Variants in PCED1B observed in about 807,000 individuals in gnomAD.
PCED1B encodes the protein PC-esterase domain-containing protein 1B.
For synonymous variants in PCED1B, 251 were observed against 246.1 expected (o/e 1.02, Z -0.19); for missense variants, 573 against 573.9 (o/e 1.00, Z 0.02).
intron 2 of PCED1B, among the ~76,000 whole-genome samples, chr12:47,205,300 G>A (rs1286018062): frequency 6.6e-6 from 1 of 152,140 alleles, no homozygotes; most frequent in Non-Finnish European, 1.5e-5. Flanking sequence ...GGAGTACAGG[G>A]TCTACAAAAT....
At chr12:47,143,666 T>A (rs1012957440) in intron 2 of PCED1B, among the ~76,000 whole-genome samples, 9 of 152,182 alleles carry the variant, frequency 5.9e-5, no homozygotes, top group African/African-American at 2.2e-4. Context: ...TGAAGCAAGC[T>A]ACAAGCTCAG....
chr12:47,199,797 G>A (rs78575868), intron 2 of PCED1B, among the ~76,000 whole-genome samples: 4,199 of 152,218 alleles, frequency 0.028, 87 homozygotes, highest in Non-Finnish European at 0.04. Flanking sequence ...GAAACTCTAG[G>A]TGACCTTGTG....
intron 1 of PCED1B, among the ~76,000 whole-genome samples, chr12:47,081,167 T>G (rs934019146): frequency 6.6e-5 from 10 of 152,262 alleles, no homozygotes; most frequent in Non-Finnish European, 1.3e-4. Context: ...TTAAAAGAAA[T>G]AAATTACTGC....
At chr12:47,080,295 C>T (rs1941966370) in intron 1 of PCED1B, among the ~76,000 whole-genome samples, 1 of 152,184 alleles carries the variant, frequency 6.6e-6, no homozygotes, top group Non-Finnish European at 1.5e-5. Flanking sequence ...AGGGAGGGGT[C>T]TCACCCTTGG....
At position 47,157,432 on chromosome 12, in the gene PCED1B, C is replaced by T. The variant is rs141810191; in HGVS notation, c.-526+53237C>T. Among the ~76,000 whole-genome samples, 508 of 152,082 alleles carry T rather than the reference C, an allele frequency of 3.3e-3. 8 individuals are homozygous for T. In the South Asian group the frequency reaches 0.04, roughly 12 times the overall value. On this transcript the variant is annotated intron_variant, in intron 2 of 3. Transcript: ENST00000546455. Reference sequence around the variant, plus strand: ...AATGAGACCCTGTCTCTGTAAGAAACTTTAAAAATTGGCCAGGCATGGTTG... The same window carrying T: ...AATGAGACCCTGTCTCTGTAAGAAATTTTAAAAATTGGCCAGGCATGGTTG...
At chr12:47,219,792 G>T (rs1004108302) in intron 3 of PCED1B, among the ~76,000 whole-genome samples, 1 of 152,148 alleles carries the variant, frequency 6.6e-6, no homozygotes, top group African/African-American at 2.4e-5. Context: ...TAGATAATAT[G>T]ATTTTTTTTC....
intron 2 of PCED1B, chr12:47,135,754 T>C: frequency 1.9e-6 from 1 of 531,608 alleles, no homozygotes; most frequent in Admixed American, 1.9e-5. Flanking sequence ...GAGGTCTCAC[T>C]GCAGATGTGG....
At chr12:47,186,725 C>A (rs1245806383) in intron 2 of PCED1B, among the ~76,000 whole-genome samples, 2 of 152,140 alleles carry the variant, frequency 1.3e-5, no homozygotes, top group African/African-American at 4.8e-5. Context: ...CCTGCTGACA[C>A]CTTATTTCAG....
chr12:47,121,993 C>T (rs1231577421), intron 2 of PCED1B, among the ~76,000 whole-genome samples: 1 of 145,404 alleles, frequency 6.9e-6, no homozygotes, highest in Non-Finnish European at 1.5e-5. Context: ...TGCCACTGCA[C>T]TCCAGTCTGG....
chr12:47,207,508 A>C (rs1942948093), intron 2 of PCED1B, among the ~76,000 whole-genome samples: 1 of 152,236 alleles, frequency 6.6e-6, no homozygotes, highest in Admixed American at 6.5e-5. Context: ...TGATAGGACA[A>C]GGATGACCCA....
At chr12:47,113,172 G>A (rs1939273115) in intron 2 of PCED1B, among the ~76,000 whole-genome samples, 1 of 152,170 alleles carries the variant, frequency 6.6e-6, no homozygotes, top group Non-Finnish European at 1.5e-5. Context: ...CTGTTCTAAA[G>A]AAGTAGGGGA....
chr12:47,084,319 T>G (rs189258496), intron 1 of PCED1B, among the ~76,000 whole-genome samples: 14 of 152,352 alleles, frequency 9.2e-5, no homozygotes, highest in Admixed American at 3.3e-4. Flanking sequence ...TATGGGTACT[T>G]GAAGTATGGT....
chr12:47,175,400 G>A (rs1005112883), intron 2 of PCED1B, among the ~76,000 whole-genome samples: 3 of 151,924 alleles, frequency 2.0e-5, no homozygotes, highest in African/African-American at 7.2e-5. Context: ...ATTAATTCAG[G>A]GCTTTTTTCC....
At chr12:47,099,682 A>C (rs900820304) in intron 1 of PCED1B, among the ~76,000 whole-genome samples, 1 of 152,142 alleles carries the variant, frequency 6.6e-6, no homozygotes, top group African/African-American at 2.4e-5. Flanking sequence ...ATCTCCTAAA[A>C]CTGAAGAGCA....
chr12:47,216,277 A>G lies in PCED1B; in HGVS notation c.-470A>G, dbSNP rs1441727186. On this transcript the variant is annotated 5_prime_UTR_variant, in exon 3 of 4. Coordinates refer to ENST00000546455, the MANE Select transcript of PCED1B (RefSeq NM_138371.3). ...AAGAGCCAAGGGTCTGAATTGTTTAATCAAAGGAAGAGTCAAAATAAGCTA... is the reference window on the plus strand; with the variant it reads ...AAGAGCCAAGGGTCTGAATTGTTTAGTCAAAGGAAGAGTCAAAATAAGCTA... 2.0e-5 allele frequency: 3 copies of G among 152,212 alleles called. No individual in the cohort carries two copies. The highest frequency in any genetic ancestry group is 4.4e-5 in the Non-Finnish European group (3 of 68,034). 9.4% of individuals were successfully genotyped at this position (152,212 alleles called of 1,614,324 possible).
intron 2 of PCED1B, among the ~76,000 whole-genome samples, chr12:47,178,437 C>T (rs1941992911): frequency 6.6e-6 from 1 of 152,192 alleles, no homozygotes; most frequent in Non-Finnish European, 1.5e-5. Flanking sequence ...AGGTGGAGTG[C>T]TGCCTCAGGA....
At chr12:47,137,944 A>G (rs1163257718) in intron 2 of PCED1B, among the ~76,000 whole-genome samples, 1 of 152,196 alleles carries the variant, frequency 6.6e-6, no homozygotes, top group African/African-American at 2.4e-5. Flanking sequence ...TGAAAAGGAC[A>G]TTATTAGTTA....
chr12:47,236,334 C>T lies in PCED1B; in HGVS notation c.1271C>T (p.Pro424Leu). 1.2e-6 allele frequency: 2 copies of T among 1,607,818 alleles called. No individual in the cohort carries two copies. The highest frequency in any genetic ancestry group is 1.7e-6 in the Non-Finnish European group (2 of 1,177,398). Residue 424 changes from proline (P) to leucine (L), a missense_variant, in exon 4 of 4, where the codon CCA becomes CTA. Transcript: ENST00000546455. ...CCTCGACCTTCAAAGAGAAGGGCCC[C>T]AGCCAATCCTGAGCCAAGGCCTCAA... is the stretch of plus-strand genomic sequence containing the variant. ...QRPRPSKRRA[P>L]ANPEPRPQ
chr12:47,222,723 G>C (rs1327181578), intron 3 of PCED1B, among the ~76,000 whole-genome samples: 1 of 152,122 alleles, frequency 6.6e-6, no homozygotes. Flanking sequence ...CAGGGCAGAG[G>C]GGTTGCTTAA....
Sources: gnomAD v4.1 joint callset for allele counts (sites outside exome capture counted in the v4.1 genomes callset) on GRCh38, gnomAD v4.1.1 for gene constraint, MANE v1.5 for transcripts, NCBI Gene and HGNC (gene_info 2026-07-23, HGNC 2026-07-21) for gene names.